The following AGO3 variants were observed in gnomAD, a reference collection of about 807,000 sequenced individuals.
AGO3 encodes the protein argonaute RISC catalytic component 3, also known as protein argonaute-3.
In AGO3, 16 loss-of-function variants were observed where a neutral mutation model predicts 105.5. The observed-to-expected ratio is 0.15, with a 90% CI of 0.10 to 0.23. The LOEUF is 0.23. Among genes scored for constraint, AGO3 ranks in the 10% least tolerant of loss-of-function variants. AGO3 has a pLI of 1.00. For synonymous variants in AGO3, 340 were observed against 367.3 expected, an observed-to-expected ratio of 0.93 and a Z score of 0.85; for missense variants, 534 against 1,088.0, an observed-to-expected ratio of 0.49 and a Z score of 7.16.
At position 35,989,763 on chromosome 1, in the gene AGO3, C is replaced by T. The variant is rs116659436; in HGVS notation, c.659-14578C>T. ...GATAGCATGAGCTTGCAATCCCGGCCACTCAGGAGGTTGAGGTGGGAGAAT... is the reference window on the plus strand; with the variant it reads ...GATAGCATGAGCTTGCAATCCCGGCTACTCAGGAGGTTGAGGTGGGAGAAT... On this transcript the variant is annotated intron_variant, in intron 5 of 18. Transcript: ENST00000373191. 8.0e-3 allele frequency among the ~76,000 whole-genome samples: 1,217 copies of T among 151,882 alleles called. 17 individuals are homozygous for T. The highest frequency in any genetic ancestry group is 0.028 in the African/African-American group (1,140 of 41,438).
intron 2 of AGO3, among the ~76,000 whole-genome samples, chr1:35,950,234 AT>A (rs1646446169): frequency 6.6e-6 from 1 of 152,106 alleles, no homozygotes; most frequent in African/African-American, 2.4e-5. Flanking sequence ...AAAAAAAAAA[AT>A]TATATTGTTG....
At chr1:36,014,681 G>A (rs1280251572) in intron 11 of AGO3, among the ~76,000 whole-genome samples, 1 of 147,516 alleles carries the variant, frequency 6.8e-6, no homozygotes, top group African/African-American at 2.5e-5. Flanking sequence ...TGAAGCAAGA[G>A]AATGGCATGA....
chr1:35,985,846 A>G (rs368476295), intron 5 of AGO3, among the ~76,000 whole-genome samples: 4 of 152,364 alleles, frequency 2.6e-5, no homozygotes, highest in South Asian at 4.1e-4. Flanking sequence ...TGTAACTCAT[A>G]TAACTGAGAA....
In AGO3 at chr1:35,972,067, G is replaced by A; in HGVS notation, c.356G>A (p.Arg119Gln). The A allele has an allele frequency of 1.2e-6, 2 of 1,614,020 alleles. No homozygotes were observed. The highest frequency in any genetic ancestry group is 1.7e-6 in the Non-Finnish European group (2 of 1,180,024). The stretch of plus-strand genomic sequence containing the variant: ...TTACCTGGGGAAGGTGGAAAAGATC[G>A]ACCTTTCAAGGTGTCAATCAAATTT... ...VTLPGEGGKD[R>Q]PFKVSIKFVS... Residue 119 changes from arginine (R) to glutamine (Q), a missense_variant, in exon 4 of 19, where the codon CGA (arginine) becomes CAA (glutamine). Physicochemically the swap from Arg to Gln is conservative, Grantham distance 43. Coordinates refer to ENST00000373191, the MANE Select transcript of AGO3 (RefSeq NM_024852.4).
At chr1:36,026,231 C>T (rs1401886753) in intron 11 of AGO3, among the ~76,000 whole-genome samples, 2 of 152,068 alleles carry the variant, frequency 1.3e-5, no homozygotes, top group Non-Finnish European at 2.9e-5. Flanking sequence ...GCCTCAGCCT[C>T]CCAAGGAGCA....
In AGO3 at chr1:35,938,401, G is replaced by A. The variant is rs188942671; in HGVS notation, c.19+6956G>A. ...GAAAGTATGATCCTATCCTCCAGAT[G>A]AAACCATTGTTAACTCTTTCTTGTA... On this transcript the variant is annotated intron_variant, in intron 1 of 18. Coordinates refer to ENST00000373191, the MANE Select transcript of AGO3 (RefSeq NM_024852.4). Among the ~76,000 whole-genome samples, 192 of 152,318 alleles carry A rather than the reference G, an allele frequency of 1.3e-3. 1 individual carries two copies. The highest frequency in any genetic ancestry group is 4.4e-3 in the African/African-American group (182 of 41,570).
At position 36,021,624 on chromosome 1, in the gene AGO3, G is replaced by A. The variant is rs576945714; in HGVS notation, c.1407-5490G>A. 2.1e-4 allele frequency among the ~76,000 whole-genome samples: 32 copies of A among 152,126 alleles called. 1 individual carries two copies. The South Asian group carries it at 6.4e-3, about 31-fold the overall frequency. ...CTCTGTAACATCCCAAAGTTAATTT[G>A]AGGTCAAAAAAAGACTTAATTTTGA... On this transcript the variant is annotated intron_variant, in intron 11 of 18. Coordinates refer to ENST00000373191, the MANE Select transcript of AGO3 (RefSeq NM_024852.4).
At chr1:36,009,674 C>T in intron 9 of AGO3, 80 bp downstream of exon 9, 3 of 1,388,710 alleles carry the variant, frequency 2.2e-6, no homozygotes, top group South Asian at 1.5e-5. Flanking sequence ...TCCTTATCAA[C>T]CCATACCTTA....
At position 36,008,981 on chromosome 1, in the gene AGO3, G is replaced by A; in HGVS notation, c.966G>A (p.Lys322=). 6.2e-7 allele frequency: 1 copy of A among 1,611,098 alleles called. No homozygotes were observed. The highest frequency in any genetic ancestry group is 1.1e-5 in the South Asian group (1 of 90,544). Residue 322 remains lysine (K), a synonymous_variant, in exon 8 of 19, where the codon AAG becomes AAA. Transcript: ENST00000373191. This position sits in a 1 kb window ranked among gnomAD's most constrained non-coding sequence, Gnocchi z 5.1. ...YFREKYTLQL[K]YPHLPCLQVG... is the part of the protein sequence containing the mutation. Reference sequence around the variant, plus strand: ...GAGAAAAGTATACTCTTCAGCTGAAGTACCCGCACCTTCCCTGTCTGCAAG... The same window carrying A: ...GAGAAAAGTATACTCTTCAGCTGAAATACCCGCACCTTCCCTGTCTGCAAG...
Position 36,027,352 on chromosome 1 carries a change from AT to A in AGO3, c.1591+56del. On this transcript the variant is annotated intron_variant, in intron 12 of 18. Coordinates refer to ENST00000373191, the MANE Select transcript of AGO3 (RefSeq NM_024852.4). This position sits in a 1 kb window ranked among gnomAD's most constrained non-coding sequence, Gnocchi z 4.0. ...CTCAAGTACTTGATGTCCTTTTAGGATTATACTGAAACATATCCTAAAACTT... is the reference window on the plus strand; with the variant it reads ...CTCAAGTACTTGATGTCCTTTTAGGATATACTGAAACATATCCTAAAACTT... 1 of 1,458,220 alleles carries A rather than the reference AT, an allele frequency of 6.9e-7. No homozygotes were observed. The highest frequency in any genetic ancestry group is 9.2e-7 in the Non-Finnish European group (1 of 1,082,708). 90.3% of individuals were successfully genotyped at this position (1,458,220 alleles called of 1,614,324 possible).
At chr1:36,013,241 AT>A (rs1640711270) in intron 9 of AGO3, among the ~76,000 whole-genome samples, 1 of 151,874 alleles carries the variant, frequency 6.6e-6, no homozygotes, top group Admixed American at 6.6e-5. Flanking sequence ...GCCCAGCCTA[AT>A]TTTTTAATTT....
chr1:35,966,136 A>T (rs977683619), intron 2 of AGO3, among the ~76,000 whole-genome samples: 1 of 152,038 alleles, frequency 6.6e-6, no homozygotes, highest in East Asian at 1.9e-4. Context: ...TGAATCTTTT[A>T]AATTAGTTTT....
chr1:35,997,450 G>C (rs1639881419), intron 5 of AGO3, among the ~76,000 whole-genome samples: 1 of 152,096 alleles, frequency 6.6e-6, no homozygotes, highest in African/African-American at 2.4e-5. Context: ...TCAAAATGTT[G>C]TGCAGCAGCA....
chr1:36,045,888 T>A (rs1482059544), intron 17 of AGO3, among the ~76,000 whole-genome samples: 1 of 151,738 alleles, frequency 6.6e-6, no homozygotes, highest in Admixed American at 6.6e-5. Flanking sequence ...AGCCCTGGAG[T>A]GCATCAGAGG....
intron 2 of AGO3, among the ~76,000 whole-genome samples, chr1:35,956,065 A>G (rs996579639): frequency 1.1e-4 from 16 of 152,182 alleles, no homozygotes; most frequent in African/African-American, 3.9e-4. Context: ...AAATATAAAT[A>G]TGTCTAATTT....
At chr1:36,003,282 G>A (rs1640178302) in intron 5 of AGO3, among the ~76,000 whole-genome samples, 1 of 151,974 alleles carries the variant, frequency 6.6e-6, no homozygotes, top group Non-Finnish European at 1.5e-5. Context: ...GAGTGATGGT[G>A]ATCTGCTAAC....
chr1:36,042,058 C>T (rs898968850), intron 16 of AGO3, among the ~76,000 whole-genome samples: 8 of 152,154 alleles, frequency 5.3e-5, no homozygotes, highest in Non-Finnish European at 1.2e-4. Flanking sequence ...ATTTAATCCT[C>T]ACCAACAAGA....
chr1:35,963,026 G>A (rs949645731), intron 2 of AGO3, among the ~76,000 whole-genome samples: 11 of 152,210 alleles, frequency 7.2e-5, no homozygotes, highest in Non-Finnish European at 1.5e-4. Flanking sequence ...TGGACGCAGG[G>A]AAATAGGAGC....
chr1:36,059,595 A>G lies in AGO3; in HGVS notation c.*3850A>G, dbSNP rs979290527. On this transcript the variant is annotated 3_prime_UTR_variant, in exon 19 of 19. Coordinates refer to ENST00000373191, the MANE Select transcript of AGO3 (RefSeq NM_024852.4). Reference sequence around the variant, plus strand: ...CATATGAAGAAGAGTTGGGAGTTTAATGTATATTCTTGATGGTTAATGTGT... The same window carrying G: ...CATATGAAGAAGAGTTGGGAGTTTAGTGTATATTCTTGATGGTTAATGTGT... The G allele has an allele frequency of 6.6e-6, 1 of 151,248 alleles. No homozygotes were observed. Among genetic ancestry groups the G allele is most frequent in the Non-Finnish European group, 1.5e-5 (1 of 67,898 alleles). The allele number at this position is 151,248 out of a possible 1,614,324, so 9.4% of individuals were successfully genotyped here.
Sources: allele counts gnomAD v4.1 joint callset (sites outside exome capture counted in the v4.1 genomes callset), GRCh38; gene constraint gnomAD v4.1.1; non-coding constraint Gnocchi (gnomAD v3.1); transcripts MANE v1.5; gene names NCBI Gene and HGNC (gene_info 2026-07-23, HGNC 2026-07-21).